LINGO2: variants seen among roughly 807,000 people sequenced by gnomAD.
The protein encoded by LINGO2 is leucine-rich repeat and immunoglobulin-like domain-containing nogo receptor-interacting protein 2.
Under a neutral mutation model 30.6 loss-of-function variants are expected in LINGO2, and 14 were observed. That is an observed-to-expected ratio of 0.46 (90% CI 0.30 to 0.72). The LOEUF is 0.72. Ranked by LOEUF, LINGO2 falls within the 30% of genes least tolerant of loss-of-function variation. The pLI is 0.07. For synonymous variants in LINGO2, 317 were observed against 288.5 expected (o/e 1.10, Z -1.00); for missense variants, 729 against 751.7 (o/e 0.97, Z 0.35).
the LINGO2 span, among the ~76,000 whole-genome samples, chr9:28,844,065 T>G: frequency 0.79 from 119,831 of 151,676 alleles, 47,573 homozygotes; most frequent in East Asian, 0.9. Flanking sequence ...TCTGCCAAAA[T>G]AAAATGACAG....
At chr9:29,080,185 G>C in the LINGO2 span, among the ~76,000 whole-genome samples, 1 of 152,052 alleles carries the variant, frequency 6.6e-6, no homozygotes, top group East Asian at 1.9e-4. Flanking sequence ...GGGGGTATGT[G>C]ACCAGGAATT....
At chr9:28,681,596 G>C in the LINGO2 span, among the ~76,000 whole-genome samples, 12 of 152,096 alleles carry the variant, frequency 7.9e-5, no homozygotes, top group East Asian at 2.3e-3. Flanking sequence ...AGAAGAAAAG[G>C]GACAGCTGGC....
the LINGO2 span, among the ~76,000 whole-genome samples, chr9:29,189,775 C>T: frequency 2.0e-5 from 3 of 152,032 alleles, no homozygotes; most frequent in South Asian, 2.1e-4. Flanking sequence ...CTCGGGAGGC[C>T]GAGGCTGGCG....
intron 4 of LINGO2, among the ~76,000 whole-genome samples, chr9:28,255,461 T>A (rs1822352406): frequency 6.6e-6 from 1 of 152,128 alleles, no homozygotes; most frequent in Non-Finnish European, 1.5e-5. Flanking sequence ...CTGGGGCAAG[T>A]AACTGAACCT....
chr9:28,261,804 A>T (rs1822574166), intron 4 of LINGO2, among the ~76,000 whole-genome samples: 1 of 151,978 alleles, frequency 6.6e-6, no homozygotes, highest in African/African-American at 2.4e-5. Context: ...AGAATTTCAT[A>T]TGTTAAGCTG....
At chr9:27,949,052 T>G (rs747908073) in exon 6 of LINGO2, 2 of 1,614,128 alleles carry the variant, frequency 1.2e-6, no homozygotes, top group Non-Finnish European at 1.7e-6. Context: ...ACACCAGTAT[T>G]GTTTTAAGGT....
At chr9:27,997,299 G>A (rs1821715376) in intron 5 of LINGO2, among the ~76,000 whole-genome samples, 1 of 152,198 alleles carries the variant, frequency 6.6e-6, no homozygotes, top group African/African-American at 2.4e-5. Context: ...GGGTCAAGCT[G>A]TTCTTTGTAG....
chr9:28,585,255 T>C (rs1301207159), intron 1 of LINGO2, among the ~76,000 whole-genome samples: 1 of 152,034 alleles, frequency 6.6e-6, no homozygotes, highest in Non-Finnish European at 1.5e-5. Flanking sequence ...TTGTATTCTA[T>C]TTGATAAATC....
chr9:28,609,999 T>G (rs966814280), intron 1 of LINGO2, among the ~76,000 whole-genome samples: 1 of 152,074 alleles, frequency 6.6e-6, no homozygotes, highest in Non-Finnish European at 1.5e-5. Context: ...GAATAACATA[T>G]TATTTTTATA....
intron 4 of LINGO2, among the ~76,000 whole-genome samples, chr9:28,038,401 G>A (rs891674213): frequency 2.0e-5 from 3 of 152,152 alleles, no homozygotes; most frequent in African/African-American, 7.2e-5. Context: ...TTTTAAAAAA[G>A]CCTTGCTTAT....
Position 28,540,277 on chromosome 9 carries a change from CCTCT to C in LINGO2, c.-364-64256_-364-64253del, listed in dbSNP as rs1249840924. Among the ~76,000 whole-genome samples, 782 of 139,378 alleles carry C rather than the reference CCTCT, an allele frequency of 5.6e-3. 5 individuals are homozygous for C. Among genetic ancestry groups the C allele is most frequent in the African/African-American group, 0.021 (746 of 35,832 alleles). The allele number at this position is 139,378 out of a possible 152,430, so 91.4% of individuals were successfully genotyped here. Reference sequence around the variant, plus strand: ...CTTTCTGTCTCTCTCTCTCTCTCTCCCTCTCTCTCTCTCTCTCTGTTACCCAGGC... The same window carrying C: ...CTTTCTGTCTCTCTCTCTCTCTCTCCCTCTCTCTCTCTCTGTTACCCAGGC... On this transcript the variant is annotated intron_variant, in intron 1 of 5. Coordinates refer to ENST00000379992, the Ensembl canonical transcript of LINGO2.
intron 3 of LINGO2, among the ~76,000 whole-genome samples, chr9:28,358,478 T>C (rs1038729487): frequency 1.3e-5 from 2 of 152,156 alleles, no homozygotes; most frequent in African/African-American, 2.4e-5. Context: ...GAAGATATGA[T>C]GAACTGTAAC....
intron 4 of LINGO2, among the ~76,000 whole-genome samples, chr9:28,253,622 T>C (rs141526039): frequency 3.9e-4 from 59 of 152,270 alleles, no homozygotes; most frequent in African/African-American, 1.3e-3. Context: ...TTCTCAGATT[T>C]GAATGACGAG....
the LINGO2 span, among the ~76,000 whole-genome samples, chr9:28,787,792 TATATAA>T: frequency 1.3e-5 from 2 of 152,178 alleles, no homozygotes; most frequent in African/African-American, 4.8e-5. Flanking sequence ...CATCATTGCT[TATATAA>T]ATATAACTCA....
chr9:28,846,312 G>C, the LINGO2 span, among the ~76,000 whole-genome samples: 1 of 151,596 alleles, frequency 6.6e-6, no homozygotes, highest in African/African-American at 2.4e-5. Context: ...CTTCTGCCCT[G>C]TTCGAGCCCA....
At chr9:28,759,870 A>G in the LINGO2 span, among the ~76,000 whole-genome samples, 5 of 152,006 alleles carry the variant, frequency 3.3e-5, no homozygotes, top group African/African-American at 1.2e-4. Flanking sequence ...AAGAAAAATT[A>G]GAAGAGGGTA....
At chr9:28,641,984 T>C (rs988375760) in intron 1 of LINGO2, among the ~76,000 whole-genome samples, 1 of 151,684 alleles carries the variant, frequency 6.6e-6, no homozygotes, top group Non-Finnish European at 1.5e-5. Flanking sequence ...AAATTCATTC[T>C]CACATATGCT....
chr9:28,193,347 G>T (rs963279973), intron 4 of LINGO2, among the ~76,000 whole-genome samples: 2 of 151,794 alleles, frequency 1.3e-5, no homozygotes, highest in African/African-American at 4.8e-5. Context: ...TCTTGCTGGT[G>T]GCTTTATTAA....
At chr9:28,062,589 ATATTTT>A (rs1825184392) in intron 4 of LINGO2, among the ~76,000 whole-genome samples, 1 of 144,542 alleles carries the variant, frequency 6.9e-6, no homozygotes, top group African/African-American at 2.6e-5. Context: ...TCAAATATAT[ATATTTT>A]GTATATATAC....
Sources: gnomAD v4.1 joint callset for allele counts (sites outside exome capture counted in the v4.1 genomes callset) on GRCh38, gnomAD v4.1.1 for gene constraint, MANE v1.5 for transcripts, NCBI Gene and HGNC (gene_info 2026-07-23, HGNC 2026-07-21) for gene names.